DNAJB14: variants seen among roughly 807,000 people sequenced by gnomAD.
DNAJB14 encodes the protein DnaJ heat shock protein family (Hsp40) member B14.
In DNAJB14, 22 loss-of-function variants were observed where a neutral mutation model predicts 48.4. The observed-to-expected ratio is 0.45, with a 90% CI of 0.32 to 0.65. DNAJB14 has a LOEUF of 0.65. Among genes scored for constraint, DNAJB14 ranks in the 30% least tolerant of loss-of-function variants. DNAJB14 has a pLI of 0.03. For missense variants in DNAJB14, 319 were observed against 458.8 expected (o/e 0.70, Z 2.78); for synonymous variants, 142 against 158.7 (o/e 0.89, Z 0.79).
intron 7 of DNAJB14, among the ~76,000 whole-genome samples, chr4:99,903,013 A>T (rs1220236321): frequency 6.6e-6 from 1 of 152,158 alleles, no homozygotes; most frequent in Non-Finnish European, 1.5e-5. Flanking sequence ...ACAATTCGTC[A>T]GCTAAAAATT....
intron 1 of DNAJB14, among the ~76,000 whole-genome samples, chr4:99,943,642 G>A (rs1310760270): frequency 1.3e-5 from 2 of 152,146 alleles, no homozygotes; most frequent in Admixed American, 6.5e-5. Context: ...AGGCTAGAGA[G>A]GTTCTCTACC....
chr4:99,918,693 T>A (rs1453742987), intron 3 of DNAJB14, among the ~76,000 whole-genome samples: 1 of 152,176 alleles, frequency 6.6e-6, no homozygotes, highest in African/African-American at 2.4e-5. Context: ...ACATCAGGCC[T>A]CCACTTACGT....
intron 1 of DNAJB14, among the ~76,000 whole-genome samples, chr4:99,935,740 T>A (rs746781522): frequency 6.6e-6 from 1 of 152,180 alleles, no homozygotes; most frequent in Middle Eastern, 3.2e-3. Context: ...TGGCAATGCC[T>A]GAATCCTGAA....
intron 1 of DNAJB14, among the ~76,000 whole-genome samples, chr4:99,937,352 CTAACT>C: frequency 6.6e-6 from 1 of 152,148 alleles, no homozygotes; most frequent in Non-Finnish European, 1.5e-5. Context: ...ACAGCAATCA[CTAACT>C]TAACTAAGTG....
intron 2 of DNAJB14, chr4:99,926,260 C>A (rs1726249716): frequency 1.3e-5 from 2 of 152,124 alleles, no homozygotes; most frequent in Admixed American, 1.3e-4. Flanking sequence ...ATCACAGATT[C>A]TTTGAAGGCA....
At chr4:99,917,965 T>TTA (rs1332838523) in intron 3 of DNAJB14, among the ~76,000 whole-genome samples, 5 of 152,204 alleles carry the variant, frequency 3.3e-5, no homozygotes, top group Non-Finnish European at 7.3e-5. Flanking sequence ...TTCTTTGGGT[T>TTA]TATCAGTTTG....
At chr4:99,903,316 A>G (rs548029304) in intron 7 of DNAJB14, among the ~76,000 whole-genome samples, 10 of 152,162 alleles carry the variant, frequency 6.6e-5, no homozygotes, top group Non-Finnish European at 1.3e-4. Flanking sequence ...TGTACATTAA[A>G]TTCTAAATAC....
intron 6 of DNAJB14, among the ~76,000 whole-genome samples, chr4:99,904,448 A>G (rs1725397979): frequency 6.6e-6 from 1 of 152,196 alleles, no homozygotes; most frequent in African/African-American, 2.4e-5. Flanking sequence ...TTTCATGTAC[A>G]AAGTGACTAA....
chr4:99,934,366 C>A (rs1395998021), intron 1 of DNAJB14, among the ~76,000 whole-genome samples: 1 of 151,992 alleles, frequency 6.6e-6, no homozygotes, highest in Admixed American at 6.6e-5. Context: ...TGAATTAAAC[C>A]TCTGAAGACG....
At chr4:99,914,370 C>A (rs932619106) in intron 3 of DNAJB14, among the ~76,000 whole-genome samples, 7 of 152,288 alleles carry the variant, frequency 4.6e-5, no homozygotes, top group Admixed American at 2.0e-4. Context: ...TGGAAACCAT[C>A]ATTCTCAGCA....
chr4:99,937,180 G>A (rs943865416), intron 1 of DNAJB14, among the ~76,000 whole-genome samples: 1 of 151,994 alleles, frequency 6.6e-6, no homozygotes, highest in East Asian at 1.9e-4. Flanking sequence ...AGCCAGGTGT[G>A]GTGGCAGGCG....
At chr4:99,924,075 T>C (rs1726159237) in intron 2 of DNAJB14, among the ~76,000 whole-genome samples, 1 of 152,174 alleles carries the variant, frequency 6.6e-6, no homozygotes, top group Non-Finnish European at 1.5e-5. Context: ...CAGAGAACAT[T>C]ACGTACATGT....
intron 4 of DNAJB14, 125 bp from the exon 5 acceptor site, chr4:99,906,736 A>G (rs2110194520): frequency 1.4e-6 from 1 of 711,742 alleles, no homozygotes; most frequent in East Asian, 2.8e-5. Flanking sequence ...TTTCAGTAGT[A>G]AATACTTATT....
At position 99,897,871 on chromosome 4, in the gene DNAJB14, T is replaced by C. The variant is rs1035302445; in HGVS notation, c.*3157A>G. On this transcript the variant is annotated 3_prime_UTR_variant, in exon 8 of 8. Transcript: ENST00000442697. ...ATGTACAAATTCTCTTCTTAACCATTTGGTCCTCTGATATAAAACTTGCTT... is the reference window on the plus strand; with the variant it reads ...ATGTACAAATTCTCTTCTTAACCATCTGGTCCTCTGATATAAAACTTGCTT... The C allele has an allele frequency of 1.3e-5, 2 of 151,996 alleles. No homozygotes were observed. Among genetic ancestry groups the C allele is most frequent in the African/African-American group, 4.8e-5 (2 of 41,416 alleles). 9.4% of individuals were successfully genotyped at this position (151,996 alleles called of 1,614,324 possible).
rs2110188773 is a variant in DNAJB14 at position 99,899,572 on chromosome 4, C to G, written c.*1456G>C. The G allele has an allele frequency of 6.6e-6, 1 of 152,086 alleles. No homozygotes were observed. Among genetic ancestry groups the G allele is most frequent in the Admixed American group, 6.6e-5 (1 of 15,226 alleles). 9.4% of individuals were successfully genotyped at this position (152,086 alleles called of 1,614,324 possible). Reference sequence around the variant, plus strand: ...AAGAGGTCATTTTAGCAGTTTTATTCAACAGATGCCATAAATTAACTACAT... The same window carrying G: ...AAGAGGTCATTTTAGCAGTTTTATTGAACAGATGCCATAAATTAACTACAT... On this transcript the variant is annotated 3_prime_UTR_variant, in exon 8 of 8. Transcript: ENST00000442697.
intron 4 of DNAJB14, 146 bp from the exon 5 acceptor site, chr4:99,906,757 C>T: frequency 3.2e-6 from 2 of 618,352 alleles, no homozygotes; most frequent in Non-Finnish European, 5.5e-6. Flanking sequence ...GCCCTCTCCT[C>T]TTGTAAGTGA....
chr4:99,931,051 A>G (rs1210423122), intron 1 of DNAJB14, among the ~76,000 whole-genome samples: 2 of 152,184 alleles, frequency 1.3e-5, no homozygotes, highest in Non-Finnish European at 2.9e-5. Context: ...GAAAAAATAA[A>G]TTGCTAACTT....
At chr4:99,933,488 G>A (rs193145350) in intron 1 of DNAJB14, among the ~76,000 whole-genome samples, 308 of 151,632 alleles carry the variant, frequency 2.0e-3, no homozygotes, top group African/African-American at 7.2e-3. Flanking sequence ...AGTAGAGATG[G>A]GGTTTCACCA....
chr4:99,915,105 GTTC>G (rs1293044026), intron 3 of DNAJB14, among the ~76,000 whole-genome samples: 1 of 152,146 alleles, frequency 6.6e-6, no homozygotes, highest in South Asian at 2.1e-4. Flanking sequence ...ATTTGAGGCT[GTTC>G]TTCTTTTCTA....
Sources: gnomAD v4.1 joint callset for allele counts (sites outside exome capture counted in the v4.1 genomes callset) on GRCh38, gnomAD v4.1.1 for gene constraint, MANE v1.5 for transcripts, NCBI Gene and HGNC (gene_info 2026-07-23, HGNC 2026-07-21) for gene names.